Variants in ATP7A observed in about 807,000 individuals in gnomAD.
ATP7A encodes ATPase copper transporting alpha, also known as copper-transporting ATPase 1.
A neutral mutation model predicts 83.5 loss-of-function variants in ATP7A; 7 were observed. That is an observed-to-expected ratio of 0.08 (90% CI 0.05 to 0.16). The LOEUF (loss-of-function observed/expected upper bound fraction) is 0.16, where lower values mean the gene tolerates loss of function less well. Ranked by LOEUF, ATP7A falls within the 10% of genes least tolerant of loss-of-function variation. The pLI is 1.00. For missense variants in ATP7A, 940 were observed against 1,120.8 expected (o/e 0.84, Z 2.30); for synonymous variants, 354 against 395.2 (o/e 0.90, Z 1.24).
intron 1 of ATP7A, among the ~76,000 whole-genome samples, chrX:77,965,129 G>A (rs1328853357): frequency 9.1e-6 from 1 of 109,878 alleles, no homozygotes; most frequent in Non-Finnish European, 1.9e-5. Context: ...TCAGTATGAG[G>A]AAAAATATTT....
intron 1 of ATP7A, chrX:77,962,491 C>A: frequency 4.2e-6 from 1 of 237,984 alleles, no homozygotes; most frequent in East Asian, 1.1e-4. Context: ...GCGTTTTGTC[C>A]AATTCTTTGT....
intron 1 of ATP7A, among the ~76,000 whole-genome samples, chrX:77,915,926 G>T (rs1325648861): frequency 9.0e-6 from 1 of 111,659 alleles, no homozygotes; most frequent in Non-Finnish European, 1.9e-5. Flanking sequence ...TCGCCATGTT[G>T]GCCAGCCTGG....
At chrX:77,996,806 A>G (rs782184293) in intron 4 of ATP7A, among the ~76,000 whole-genome samples, 2 of 111,849 alleles carry the variant, frequency 1.8e-5, no homozygotes, top group South Asian at 7.5e-4. Context: ...CCAAGTTCAT[A>G]ATTAAGTCTC....
At chrX:77,948,316 C>T (rs782447412) in intron 1 of ATP7A, among the ~76,000 whole-genome samples, 2 of 108,640 alleles carry the variant, frequency 1.8e-5, no homozygotes, top group Admixed American at 2.0e-4. Flanking sequence ...TTTTAGTAGA[C>T]GGGGTTTCAC....
At chrX:77,967,203 C>T (rs945218938) in intron 1 of ATP7A, among the ~76,000 whole-genome samples, 1 of 111,928 alleles carries the variant, frequency 8.9e-6, no homozygotes, top group Non-Finnish European at 1.9e-5. Flanking sequence ...AATAGTGCTG[C>T]AGTAAACATA....
At chrX:78,022,874 T>C (rs781786890) in intron 14 of ATP7A, among the ~76,000 whole-genome samples, 2 of 111,261 alleles carry the variant, frequency 1.8e-5, no homozygotes, top group East Asian at 5.6e-4. Flanking sequence ...TTTAGGCTTA[T>C]AGTGACCCCA....
At chrX:77,930,985 CTT>C (rs1180844779) in intron 1 of ATP7A, among the ~76,000 whole-genome samples, 8 of 34,941 alleles carry the variant, frequency 2.3e-4, no homozygotes, top group Admixed American at 7.5e-4. Context: ...TAGGAACATT[CTT>C]TTTTTTTTTT....
At chrX:77,977,029 C>A (rs1278577031) in intron 2 of ATP7A, among the ~76,000 whole-genome samples, 1 of 111,621 alleles carries the variant, frequency 9.0e-6, no homozygotes, top group Non-Finnish European at 1.9e-5. Context: ...TGAGAGATGA[C>A]AGGTAATTAT....
At chrX:77,999,948 G>A (rs1258031408) in intron 5 of ATP7A, among the ~76,000 whole-genome samples, 1 of 108,824 alleles carries the variant, frequency 9.2e-6, no homozygotes. Flanking sequence ...GGTTTCATGA[G>A]ATCAAAGTCA....
intron 14 of ATP7A, among the ~76,000 whole-genome samples, chrX:78,022,593 C>T (rs905811466): frequency 9.1e-6 from 1 of 110,159 alleles, no homozygotes; most frequent in African/African-American, 3.3e-5. Flanking sequence ...TCTCGGCTCA[C>T]TGCAACTTCC....
intron 12 of ATP7A, among the ~76,000 whole-genome samples, chrX:78,019,989 C>A (rs1362618609): frequency 8.9e-6 from 1 of 111,739 alleles, no homozygotes; most frequent in Admixed American, 9.5e-5. Flanking sequence ...GGTTAAGAAC[C>A]AATGTTCTAG....
chrX:77,957,435 A>G (rs1432283297), intron 1 of ATP7A, among the ~76,000 whole-genome samples: 2 of 109,340 alleles, frequency 1.8e-5, no homozygotes, highest in African/African-American at 6.6e-5. Context: ...TCCAGAATAT[A>G]TAAAGAACTT....
chrX:78,030,376 C>T (rs1489366057), intron 15 of ATP7A, among the ~76,000 whole-genome samples: 4 of 108,200 alleles, frequency 3.7e-5, no homozygotes, highest in African/African-American at 6.7e-5. Context: ...GAGCTGGGAT[C>T]GCGCCACTGC....
Position 77,942,925 on chromosome X carries a change from C to T in ATP7A, c.-21-28696C>T, listed in dbSNP as rs1365225716. 2.2e-4 allele frequency among the ~76,000 whole-genome samples: 24 copies of T among 111,497 alleles called. No homozygotes were observed. The East Asian group carries it at 6.2e-3, about 29-fold the overall frequency. The stretch of plus-strand genomic sequence containing the variant: ...CCAGTTTCAAGCGATTCTTGATTCT[C>T]GTGCCTCAGTCTCCTGAGTAGCTGG... On this transcript the variant is annotated intron_variant, in intron 1 of 22. Transcript: ENST00000341514.
intron 4 of ATP7A, 93 bp downstream of exon 4, chrX:77,990,051 G>A: frequency 8.9e-7 from 1 of 1,118,411 alleles, no homozygotes; most frequent in East Asian, 3.0e-5. Flanking sequence ...TGATTCATAG[G>A]CACTGTAATT....
intron 14 of ATP7A, among the ~76,000 whole-genome samples, chrX:78,028,627 G>A (rs1187719172): frequency 7.1e-5 from 8 of 112,276 alleles, no homozygotes; most frequent in African/African-American, 2.6e-4. Flanking sequence ...ATGTGAGCCC[G>A]TGCACAGACC....
At chrX:78,022,540 C>A (rs190495514) in intron 14 of ATP7A, among the ~76,000 whole-genome samples, 75 of 77,802 alleles carry the variant, frequency 9.6e-4, no homozygotes, top group African/African-American at 3.3e-3. Flanking sequence ...TTTATTGCGA[C>A]AGAGTCTTGC....
intron 1 of ATP7A, among the ~76,000 whole-genome samples, chrX:77,947,905 A>G (rs1438540062): frequency 1.9e-5 from 2 of 104,088 alleles, no homozygotes; most frequent in Admixed American, 2.1e-4. Flanking sequence ...ACACCCAGCT[A>G]ATTTTTTGTA....
chrX:78,020,974 C>T lies in ATP7A; in HGVS notation c.2811C>T (p.Leu937=), dbSNP rs2077902035. ...KAPIQQFADK[L]SGYFVPFIVF... ...CTATCCAGCAGTTTGCAGACAAACTCAGTGGCTATTTTGTTCCTTTTATTG... is the reference window on the plus strand; with the variant it reads ...CTATCCAGCAGTTTGCAGACAAACTTAGTGGCTATTTTGTTCCTTTTATTG... The change falls in exon 14 of 23, where the codon CTC becomes CTT. Residue 937 remains leucine, a synonymous_variant. Coordinates refer to ENST00000341514, the MANE Select transcript of ATP7A (RefSeq NM_000052.7). 1 of 1,206,801 alleles carries T rather than the reference C, an allele frequency of 8.3e-7. No homozygotes were observed. The highest frequency in any genetic ancestry group is 1.7e-5 in the African/African-American group (1 of 57,707).
Sources: allele counts gnomAD v4.1 joint callset (sites outside exome capture counted in the v4.1 genomes callset), GRCh38; gene constraint gnomAD v4.1.1; transcripts MANE v1.5; gene names NCBI Gene and HGNC (gene_info 2026-07-23, HGNC 2026-07-21).